The following PIK3C2G variants were observed in gnomAD, a reference collection of about 807,000 sequenced individuals.
The protein encoded by PIK3C2G is phosphatidylinositol 3-kinase C2 domain-containing subunit gamma.
PIK3C2G carries 168 observed loss-of-function variants against 181.1 expected under a neutral mutation model. The observed-to-expected ratio is 0.93, with a 90% CI of 0.82 to 1.05. The LOEUF (loss-of-function observed/expected upper bound fraction) is 1.05, where lower values mean the gene tolerates loss of function less well. PIK3C2G is among the 50% of genes least tolerant of loss of function. PIK3C2G has a pLI of 0.00. For synonymous variants in PIK3C2G, 573 were observed against 592.2 expected, an observed-to-expected ratio of 0.97 and a Z score of 0.47; for missense variants, 1,869 against 1,732.8, an observed-to-expected ratio of 1.08 and a Z score of -1.40.
At chr12:18,676,179 G>A in the PIK3C2G span, among the ~76,000 whole-genome samples, 1 of 151,972 alleles carries the variant, frequency 6.6e-6, no homozygotes, top group East Asian at 1.9e-4. Flanking sequence ...TGAATACATG[G>A]AACTGAAAAA....
chr12:18,375,610 A>C (rs2137912706), intron 13 of PIK3C2G, among the ~76,000 whole-genome samples: 1 of 152,374 alleles, frequency 6.6e-6, no homozygotes, highest in Non-Finnish European at 1.5e-5. Context: ...GACTTGGAGC[A>C]ACCACTTCTT....
chr12:18,647,862 T>G lies in PIK3C2G; in HGVS notation c.4309-14T>G, dbSNP rs1328102834. The G allele has an allele frequency of 1.4e-6, 2 of 1,442,764 alleles. No homozygotes were observed. The highest frequency in any genetic ancestry group is 1.9e-6 in the Non-Finnish European group (2 of 1,078,588). The allele number at this position is 1,442,764 out of a possible 1,614,324, so 89.4% of individuals were successfully genotyped here. A position where few individuals can be genotyped will look rare whatever the true frequency, so the allele number is the denominator to read the frequency against. On this transcript the variant is annotated splice_polypyrimidine_tract_variant and intron_variant, in intron 32 of 32. Transcript: ENST00000538779. ...ATTTCTGATTTATATTTTCATTATTTTCTCCGTTTTTAGGTAGTATATGAT... is the reference window on the plus strand; with the variant it reads ...ATTTCTGATTTATATTTTCATTATTGTCTCCGTTTTTAGGTAGTATATGAT...
chr12:18,635,455 C>T (rs188386621), intron 31 of PIK3C2G, among the ~76,000 whole-genome samples: 16 of 152,286 alleles, frequency 1.1e-4, no homozygotes, highest in Admixed American at 7.8e-4. Flanking sequence ...CCATCCAATT[C>T]GTGATGGGCA....
intron 31 of PIK3C2G, among the ~76,000 whole-genome samples, chr12:18,627,785 T>C (rs1226386418): frequency 3.3e-5 from 5 of 152,216 alleles, no homozygotes; most frequent in Non-Finnish European, 5.9e-5. Context: ...TTTTATATTA[T>C]GTTGTTTTGT....
chr12:18,491,534 A>G lies in PIK3C2G; in HGVS notation c.2769A>G (p.Leu923=), dbSNP rs756309364. Residue 923 remains leucine, a synonymous_variant, in exon 20 of 33, where the codon CTA becomes CTG. Transcript: ENST00000538779. ...NTCHLPLNPA[L]CIKGIDHDAC... is the part of the protein sequence containing the mutation. ...GTCATCTTCCTCTGAACCCTGCCCT[A>G]TGTATAAAAGGGATTGATCACGATG... The G allele has an allele frequency of 6.3e-6, 10 of 1,595,346 alleles. No individual in the cohort carries two copies. In the South Asian group the frequency reaches 8.8e-5, roughly 14 times the overall value.
the PIK3C2G span, among the ~76,000 whole-genome samples, chr12:18,666,611 C>T: frequency 4.0e-4 from 61 of 152,236 alleles, 1 homozygote; most frequent in African/African-American, 1.4e-3. Context: ...GATAGTTCAA[C>T]AACATTTGGA....
intron 26 of PIK3C2G, among the ~76,000 whole-genome samples, chr12:18,548,899 G>C (rs73342989): frequency 6.6e-6 from 1 of 151,746 alleles, no homozygotes; most frequent in East Asian, 1.9e-4. Context: ...CCAACTACCC[G>C]CCCCCTGTCT....
chr12:18,436,798 G>A (rs534143328), intron 18 of PIK3C2G, among the ~76,000 whole-genome samples: 64 of 152,058 alleles, frequency 4.2e-4, no homozygotes, highest in Admixed American at 1.0e-3. Flanking sequence ...ATAATCTGAC[G>A]TTCTGAATAA....
At chr12:18,651,821 A>G (rs896954294), downstream of PIK3C2G, among the ~76,000 whole-genome samples, 15 of 152,164 alleles carry the variant, frequency 9.9e-5, no homozygotes, top group African/African-American at 3.4e-4. Flanking sequence ...GATTGTTCAC[A>G]GACATATGCA....
the PIK3C2G span, chr12:18,695,138 C>T: frequency 1.7e-5 from 26 of 1,495,174 alleles, no homozygotes; most frequent in Non-Finnish European, 2.3e-5. Context: ...TAAAGGAACA[C>T]AAACCACTTA....
At chr12:18,645,381 A>C (rs1372205887) in intron 32 of PIK3C2G, among the ~76,000 whole-genome samples, 1 of 152,188 alleles carries the variant, frequency 6.6e-6, no homozygotes, top group East Asian at 1.9e-4. Flanking sequence ...AGGTTTATAA[A>C]ACTTCAGTCA....
the PIK3C2G span, among the ~76,000 whole-genome samples, chr12:18,659,858 G>C: frequency 6.6e-6 from 1 of 152,082 alleles, no homozygotes; most frequent in Non-Finnish European, 1.5e-5. Flanking sequence ...AACTGAGACA[G>C]TTAACTGCTA....
intron 31 of PIK3C2G, among the ~76,000 whole-genome samples, chr12:18,635,839 A>G (rs117885515): frequency 1.3e-5 from 2 of 152,144 alleles, no homozygotes; most frequent in African/African-American, 4.8e-5. Flanking sequence ...CCAAATGAGG[A>G]GTATGTTGCA....
rs1229278001 is a variant in PIK3C2G, at chr12:18,488,454, TA to T, written c.2516del (p.Asn839MetfsTer16). 1.3e-5 allele frequency: 19 copies of T among 1,509,752 alleles called. No individual in the cohort carries two copies. Among genetic ancestry groups the T allele is most frequent in the African/African-American group, 4.3e-5 (3 of 69,654 alleles). The allele number at this position is 1,509,752 out of a possible 1,614,324, so 93.5% of individuals were successfully genotyped here. A position where few individuals can be genotyped will look rare whatever the true frequency, so the allele number is the denominator to read the frequency against. ...IQVAHRLYWL[L>X]KNAENEAYFK... ...TTTCTCTCTCTTTCCTTCAGGCTGC[TA>T]AAAAATGCAGAAAATGAAGCTTATT... On this transcript the variant is annotated frameshift_variant, in exon 19 of 33. Coordinates refer to ENST00000538779, the MANE Select transcript of PIK3C2G (RefSeq NM_001288772.2). LOFTEE classifies it high-confidence loss of function.
chr12:18,620,527 CAGAT>C (rs72448986), intron 31 of PIK3C2G, among the ~76,000 whole-genome samples: 20,829 of 148,090 alleles, frequency 0.14, 1,510 homozygotes, highest in Non-Finnish European at 0.17. Context: ...ATTAGACAGA[CAGAT>C]AGATAGATAG....
chr12:18,320,048 T>C (rs914552689), intron 6 of PIK3C2G: 8 of 152,212 alleles, frequency 5.3e-5, no homozygotes, highest in Admixed American at 5.2e-4. Context: ...ATATAAAAAT[T>C]AATTTACCTT....
Position 18,320,962 on chromosome 12 carries a change from C to A in PIK3C2G, c.1138C>A (p.His380Asn), listed in dbSNP as rs183956272. Residue 380 changes from histidine (H) to asparagine (N), a missense_variant and splice_region_variant, in exon 7 of 33, where the codon CAT (histidine) becomes AAT (asparagine). Coordinates refer to ENST00000538779, the MANE Select transcript of PIK3C2G (RefSeq NM_001288772.2). ...TATTAATATATTCTGCTGTCTACAGCATGAAGAGGACCACAGTCAGTTTTA... is the reference window on the plus strand; with the variant it reads ...TATTAATATATTCTGCTGTCTACAGAATGAAGAGGACCACAGTCAGTTTTA... Reference protein sequence around the residue: ...REAPGKLSRKHEEDHSQFYLN... With the variant: ...REAPGKLSRKNEEDHSQFYLN... 20 of 1,541,946 alleles carry A rather than the reference C, an allele frequency of 1.3e-5. No homozygotes were observed. The highest frequency in any genetic ancestry group is 1.8e-5 in the Non-Finnish European group (20 of 1,119,902).
chr12:18,712,699 G>T, the PIK3C2G span: 1 of 994,118 alleles, frequency 1.0e-6, no homozygotes, highest in African/African-American at 1.6e-5. Context: ...TATACAACAT[G>T]GATTTCACTG....
At chr12:18,263,317 T>C (rs1948331680) in intron 1 of PIK3C2G, among the ~76,000 whole-genome samples, 1 of 152,120 alleles carries the variant, frequency 6.6e-6, no homozygotes, top group Non-Finnish European at 1.5e-5. Flanking sequence ...GTCTGTACAA[T>C]ACTGACTTTG....
Sources: allele counts gnomAD v4.1 joint callset (sites outside exome capture counted in the v4.1 genomes callset), GRCh38; gene constraint gnomAD v4.1.1; transcripts MANE v1.5; gene names NCBI Gene and HGNC (gene_info 2026-07-23, HGNC 2026-07-21).